Variants in AGBL1 observed in about 807,000 individuals in gnomAD.
AGBL1 encodes the protein AGBL carboxypeptidase 1, also known as cytosolic carboxypeptidase 4.
In AGBL1, 130 loss-of-function variants were observed where a neutral mutation model predicts 118.9. The ratio of observed to expected loss-of-function variants is 1.09; its 90% CI spans 0.95 to 1.26. The LOEUF (loss-of-function observed/expected upper bound fraction) is 1.26. Ranked by LOEUF, AGBL1 falls within the 50% of genes most tolerant of loss-of-function variation. The probability of loss-of-function intolerance (pLI) is 0.00; values close to 1 mark genes in which losing one functional copy is unlikely to be tolerated. For synonymous variants in AGBL1, 555 were observed against 478.9 expected (o/e 1.16, Z -2.08); for missense variants, 1,584 against 1,298.1 (o/e 1.22, Z -3.38).
chr15:86,160,022 T>C (rs1235208335), intron 5 of AGBL1, among the ~76,000 whole-genome samples: 1 of 152,124 alleles, frequency 6.6e-6, no homozygotes, highest in East Asian at 1.9e-4. Flanking sequence ...TCAGAGCCTT[T>C]GTAAAGCCAA....
rs774199770 is a variant in AGBL1 at position 86,546,132 on chromosome 15, G to A, written c.2816G>A (p.Arg939Lys). 16 of 1,611,286 alleles carry A rather than the reference G, an allele frequency of 9.9e-6. No homozygotes were observed. In the African/African-American group the frequency reaches 1.7e-4, roughly 17 times the overall value. Residue 939 changes from arginine (R) to lysine (K), a missense_variant and splice_region_variant, in exon 20 of 23, where the codon AGG becomes AAG. Coordinates refer to ENST00000614907, the MANE Select transcript of AGBL1 (RefSeq NM_001386094.1). Reference protein sequence around the residue: ...TSTILEEVNYRTLPKILDKLA... With the variant: ...TSTILEEVNYKTLPKILDKLA... ...ACTATCCTAGAGGAGGTCAACTACA[G>A]GGTAAGCCGCTGTGGGGAATGACAT...
At chr15:86,836,389 C>T (rs17644890) in intron 22 of AGBL1, among the ~76,000 whole-genome samples, 21,471 of 152,088 alleles carry the variant, frequency 0.14, 1,914 homozygotes, top group Non-Finnish European at 0.19. Flanking sequence ...GAGGTATTAG[C>T]GTACCAATTT....
chr15:86,994,500 A>G (rs1170806671), intron 24 of AGBL1, among the ~76,000 whole-genome samples: 1 of 152,174 alleles, frequency 6.6e-6, no homozygotes, highest in Non-Finnish European at 1.5e-5. Context: ...CTCTCCCTCA[A>G]GCCCTAGAAA....
At chr15:87,023,422 G>T (rs1190668457) in intron 24 of AGBL1, among the ~76,000 whole-genome samples, 3 of 152,018 alleles carry the variant, frequency 2.0e-5, no homozygotes, top group Non-Finnish European at 4.4e-5. Flanking sequence ...TTGTCCAACA[G>T]GAAAATATCT....
At chr15:86,753,101 T>C (rs2077879628) in intron 22 of AGBL1, among the ~76,000 whole-genome samples, 1 of 152,130 alleles carries the variant, frequency 6.6e-6, no homozygotes, top group Admixed American at 6.5e-5. Flanking sequence ...TACCCTTCTA[T>C]CTAAATCTGT....
At chr15:86,448,056 G>A (rs994236352) in intron 18 of AGBL1, among the ~76,000 whole-genome samples, 17 of 151,998 alleles carry the variant, frequency 1.1e-4, no homozygotes, top group Admixed American at 5.9e-4. Context: ...GTGGTGGGAG[G>A]GTCACCTGAG....
chr15:86,700,683 C>T (rs375768148), intron 22 of AGBL1, among the ~76,000 whole-genome samples: 1 of 152,016 alleles, frequency 6.6e-6, no homozygotes, highest in Non-Finnish European at 1.5e-5. Flanking sequence ...ACTAAAGATA[C>T]AGGCAAGGAT....
At chr15:86,766,431 A>G (rs899398135) in intron 22 of AGBL1, among the ~76,000 whole-genome samples, 1 of 152,014 alleles carries the variant, frequency 6.6e-6, no homozygotes, top group Non-Finnish European at 1.5e-5. Context: ...GTCTAACCCT[A>G]TGTCTCAGAC....
At chr15:86,946,942 C>T (rs2080830770) in intron 23 of AGBL1, among the ~76,000 whole-genome samples, 1 of 151,944 alleles carries the variant, frequency 6.6e-6, no homozygotes, top group African/African-American at 2.4e-5. Flanking sequence ...TCGCATGTCC[C>T]CTGCCCATTA....
At chr15:86,275,616 C>T (rs1056145479) in intron 15 of AGBL1, among the ~76,000 whole-genome samples, 4 of 152,322 alleles carry the variant, frequency 2.6e-5, no homozygotes, top group African/African-American at 9.6e-5. Flanking sequence ...GTACTTGCTC[C>T]TTGCTTCATT....
downstream of AGBL1, among the ~76,000 whole-genome samples, chr15:86,920,548 G>T (rs187937660): frequency 6.6e-6 from 1 of 152,050 alleles, no homozygotes; most frequent in Admixed American, 6.6e-5. Flanking sequence ...ATTTCATTGG[G>T]TTTATTTTTA....
At chr15:86,394,247 G>A (rs1212869552) in intron 17 of AGBL1, among the ~76,000 whole-genome samples, 1 of 151,966 alleles carries the variant, frequency 6.6e-6, no homozygotes, top group Admixed American at 6.6e-5. Flanking sequence ...TCCCTGATTG[G>A]GTAAACATGT....
intron 5 of AGBL1, among the ~76,000 whole-genome samples, chr15:86,167,330 C>T (rs548365051): frequency 4.6e-5 from 7 of 151,956 alleles, no homozygotes; most frequent in Non-Finnish European, 8.8e-5. Flanking sequence ...GCTGCAACCT[C>T]CACCTCCTGG....
intron 20 of AGBL1, among the ~76,000 whole-genome samples, chr15:86,548,985 G>A (rs1316802482): frequency 6.6e-6 from 1 of 151,834 alleles, no homozygotes; most frequent in Non-Finnish European, 1.5e-5. Context: ...TCAGGGGGAG[G>A]TGTCACACAC....
intron 16 of AGBL1, among the ~76,000 whole-genome samples, chr15:86,280,950 T>A (rs2141720961): frequency 1.3e-5 from 2 of 152,336 alleles, no homozygotes; most frequent in Middle Eastern, 3.4e-3. Flanking sequence ...ATCCAAGTAA[T>A]GTGCGTTGCA....
intron 16 of AGBL1, among the ~76,000 whole-genome samples, chr15:86,293,972 C>A (rs2079590587): frequency 6.6e-6 from 1 of 152,008 alleles, no homozygotes; most frequent in Non-Finnish European, 1.5e-5. Flanking sequence ...ACAGAGGGGG[C>A]AGTGTTTCCC....
chr15:86,483,799 A>T (rs1012285534), intron 18 of AGBL1, among the ~76,000 whole-genome samples: 3 of 152,160 alleles, frequency 2.0e-5, no homozygotes, highest in African/African-American at 7.2e-5. Flanking sequence ...TGTTAAAATA[A>T]ACAAACTTCT....
chr15:86,879,658 C>T (rs764006669), intron 22 of AGBL1, among the ~76,000 whole-genome samples: 2 of 152,216 alleles, frequency 1.3e-5, no homozygotes, highest in African/African-American at 2.4e-5. Context: ...CAATAAATTA[C>T]ACCTTTCCTT....
chr15:86,302,818 G>T (rs28485372), intron 17 of AGBL1, among the ~76,000 whole-genome samples: 4,793 of 151,374 alleles, frequency 0.032, 262 homozygotes, highest in African/African-American at 0.11. Flanking sequence ...AAAATCTCAG[G>T]GTACAGGACT....
Sources: allele counts gnomAD v4.1 joint callset (sites outside exome capture counted in the v4.1 genomes callset), GRCh38; gene constraint gnomAD v4.1.1; transcripts MANE v1.5; gene names NCBI Gene and HGNC (gene_info 2026-07-23, HGNC 2026-07-21).